UBE2H: variants seen among roughly 807,000 people sequenced by gnomAD.
UBE2H encodes ubiquitin conjugating enzyme E2 H.
A neutral mutation model predicts 29.0 loss-of-function variants in UBE2H; 3 were observed. That is an observed-to-expected ratio of 0.10 (90% CI 0.05 to 0.27). The LOEUF (loss-of-function observed/expected upper bound fraction) is 0.27, where lower values mean the gene tolerates loss of function less well. Ranked by LOEUF, UBE2H falls within the 10% of genes least tolerant of loss-of-function variation. The probability of loss-of-function intolerance (pLI) is 1.00; values close to 1 mark genes in which losing one functional copy is unlikely to be tolerated. For missense variants in UBE2H, 68 were observed against 228.2 expected, an observed-to-expected ratio of 0.30 and a Z score of 4.52; for synonymous variants, 69 against 82.9, an observed-to-expected ratio of 0.83 and a Z score of 0.91.
chr7:129,883,679 T>TA (rs1584763873), intron 1 of UBE2H, among the ~76,000 whole-genome samples: 1 of 152,132 alleles, frequency 6.6e-6, no homozygotes, highest in Non-Finnish European at 1.5e-5. Context: ...CTATCTCTAC[T>TA]AAAAACACAA....
chr7:129,840,372 G>C (rs936323467), intron 5 of UBE2H, among the ~76,000 whole-genome samples: 1 of 151,144 alleles, frequency 6.6e-6, no homozygotes, highest in African/African-American at 2.4e-5. Flanking sequence ...TTTTTAAATA[G>C]AGACAGGGTC....
At chr7:129,848,836 C>CTTT (rs34279042) in intron 5 of UBE2H, among the ~76,000 whole-genome samples, 12 of 128,738 alleles carry the variant, frequency 9.3e-5, no homozygotes, top group East Asian at 2.3e-4. Context: ...AACCAGGTAG[C>CTTT]TTTTTTTTTT....
intron 3 of UBE2H, among the ~76,000 whole-genome samples, chr7:129,867,752 C>A (rs1180723831): frequency 1.7e-5 from 2 of 118,848 alleles, no homozygotes; most frequent in African/African-American, 3.2e-5. Flanking sequence ...AGAAGACCAT[C>A]CTTTCTTGAT....
intron 1 of UBE2H, among the ~76,000 whole-genome samples, chr7:129,897,624 C>T (rs1489566850): frequency 6.6e-6 from 1 of 152,128 alleles, no homozygotes; most frequent in South Asian, 2.1e-4. Flanking sequence ...CAGATGGATA[C>T]ACTAGACAGA....
At chr7:129,935,516 T>A (rs917328874) in intron 1 of UBE2H, among the ~76,000 whole-genome samples, 4 of 152,088 alleles carry the variant, frequency 2.6e-5, no homozygotes, top group Non-Finnish European at 5.9e-5. Flanking sequence ...TGACAAAAGC[T>A]TCCATAAATC....
chr7:129,891,888 AGT>A (rs35586367), intron 1 of UBE2H, among the ~76,000 whole-genome samples: 55 of 150,150 alleles, frequency 3.7e-4, no homozygotes, highest in Middle Eastern at 3.4e-3. Flanking sequence ...TTATAAATGT[AGT>A]GTGTGTGTGT....
In UBE2H at chr7:129,854,064, T is replaced by TTTTTTTTTTTTTTATTTTTTA. The variant is rs1432620127; in HGVS notation, c.298+3446_298+3447insTAAAAAATAAAAAAAAAAAAA. On this transcript the variant is annotated intron_variant, in intron 5 of 6. Coordinates refer to ENST00000355621, the MANE Select transcript of UBE2H (RefSeq NM_003344.4). ...CCTATTAGTTATTTAGTGTTAGTTT[T>TTTTTTTTTTTTTTATTTTTTA]TTTTTTTTTTTTTTTTTTGGCGGGG... is the stretch of plus-strand genomic sequence containing the variant. Among the ~76,000 whole-genome samples, 27 of 148,376 alleles carry TTTTTTTTTTTTTTATTTTTTA rather than the reference T, an allele frequency of 1.8e-4. No homozygotes were observed. In the East Asian group the frequency reaches 2.6e-3, roughly 14 times the overall value.
intron 1 of UBE2H, among the ~76,000 whole-genome samples, chr7:129,882,358 T>C (rs1563032886): frequency 6.6e-6 from 1 of 152,218 alleles, no homozygotes; most frequent in East Asian, 1.9e-4. Flanking sequence ...GCAAATTATA[T>C]ACTGTTAATA....
At chr7:129,855,512 C>T (rs1805687848) in intron 5 of UBE2H, among the ~76,000 whole-genome samples, 2 of 152,160 alleles carry the variant, frequency 1.3e-5, no homozygotes, top group Admixed American at 1.3e-4. Context: ...CCATCATCTC[C>T]CCTAAAACTC....
At chr7:129,850,322 C>T (rs974032517) in intron 5 of UBE2H, among the ~76,000 whole-genome samples, 2 of 152,004 alleles carry the variant, frequency 1.3e-5, no homozygotes. Flanking sequence ...AGCCACGCTG[C>T]ACTCCAGCCT....
chr7:129,898,034 G>A (rs548483887), intron 1 of UBE2H, among the ~76,000 whole-genome samples: 1 of 152,020 alleles, frequency 6.6e-6, no homozygotes, highest in Non-Finnish European at 1.5e-5. Flanking sequence ...AACCCATAGT[G>A]AAAATAAGCA....
chr7:129,892,201 G>A (rs1238266974), intron 1 of UBE2H, among the ~76,000 whole-genome samples: 7 of 151,622 alleles, frequency 4.6e-5, no homozygotes, highest in African/African-American at 1.7e-4. Flanking sequence ...CGCCCGCCTC[G>A]GCCTCCCAAA....
intron 5 of UBE2H, among the ~76,000 whole-genome samples, chr7:129,847,240 T>C (rs1805528745): frequency 6.6e-6 from 1 of 152,204 alleles, no homozygotes; most frequent in South Asian, 2.1e-4. Context: ...CGTTTTGCCA[T>C]GTTGGCCAGG....
chr7:129,879,653 AG>A lies in UBE2H; in HGVS notation c.131-12del. The A allele has an allele frequency of 6.2e-7, 1 of 1,608,268 alleles. No individual in the cohort carries two copies. The highest frequency in any genetic ancestry group is 8.5e-7 in the Non-Finnish European group (1 of 1,177,240). On this transcript the variant is annotated splice_polypyrimidine_tract_variant and intron_variant, in intron 2 of 6. Coordinates refer to ENST00000355621, the MANE Select transcript of UBE2H (RefSeq NM_003344.4). Reference sequence around the variant, plus strand: ...CGCCTTCATATGGTGCTGAAATAAAAGTAAAAATGTTCATCAGAACTACATC... The same window carrying A: ...CGCCTTCATATGGTGCTGAAATAAAATAAAAATGTTCATCAGAACTACATC...
chr7:129,886,770 A>ATTTTTTTGGTT (rs1237877491), intron 1 of UBE2H, among the ~76,000 whole-genome samples: 1 of 112,286 alleles, frequency 8.9e-6, no homozygotes, highest in Non-Finnish European at 1.8e-5. Flanking sequence ...TTTTTGGTAA[A>ATTTTTTTGGTT]AAAAAAAAAA....
intron 1 of UBE2H, among the ~76,000 whole-genome samples, chr7:129,946,577 G>C (rs1275142240): frequency 6.6e-6 from 1 of 152,082 alleles, no homozygotes; most frequent in African/African-American, 2.4e-5. Flanking sequence ...CCCCACCCTA[G>C]ACCCAATGAA....
chr7:129,935,827 T>C (rs1054438598), intron 1 of UBE2H, among the ~76,000 whole-genome samples: 1 of 152,208 alleles, frequency 6.6e-6, no homozygotes, highest in Admixed American at 6.5e-5. Context: ...CATCTGTTTT[T>C]TTCTATCAAT....
intron 1 of UBE2H, among the ~76,000 whole-genome samples, chr7:129,888,789 T>C (rs1325903770): frequency 6.6e-6 from 1 of 152,178 alleles, no homozygotes; most frequent in East Asian, 1.9e-4. Context: ...AAACTACTCT[T>C]ACACAGAGAC....
intron 1 of UBE2H, among the ~76,000 whole-genome samples, chr7:129,916,546 G>C (rs1237804560): frequency 6.6e-6 from 1 of 151,104 alleles, no homozygotes; most frequent in Non-Finnish European, 1.5e-5. Context: ...CTTTGCAACA[G>C]TCTAGTTCAC....
Sources: gnomAD v4.1 joint callset for allele counts (sites outside exome capture counted in the v4.1 genomes callset) on GRCh38, gnomAD v4.1.1 for gene constraint, MANE v1.5 for transcripts, NCBI Gene and HGNC (gene_info 2026-07-23, HGNC 2026-07-21) for gene names.